Variants in FCRL6 observed in about 807,000 individuals in gnomAD.
FCRL6 encodes Fc receptor like 6, also known as Fc receptor-like protein 6.
FCRL6 carries 50 observed loss-of-function variants against 49.1 expected under a neutral mutation model. The observed-to-expected ratio is 1.02, with a 90% CI of 0.81 to 1.29. FCRL6 has a LOEUF of 1.29. Among genes scored for constraint, FCRL6 ranks in the 50% most tolerant of loss-of-function variants. The pLI is 0.00. For synonymous variants in FCRL6, 213 were observed against 199.6 expected, an observed-to-expected ratio of 1.07 and a Z score of -0.57; for missense variants, 571 against 518.5, an observed-to-expected ratio of 1.10 and a Z score of -0.98.
chr1:159,809,630 C>T lies in FCRL6; in HGVS notation c.833C>T (p.Ala278Val), dbSNP rs781421902. 9 of 1,614,080 alleles carry T rather than the reference C, an allele frequency of 5.6e-6. No homozygotes were observed. The East Asian group carries it at 1.3e-4, about 24-fold the overall frequency. The change falls in exon 5 of 10, where the codon GCT (alanine) becomes GTT (valine). Residue 278 changes from alanine to valine, a missense_variant. Transcript: ENST00000368106. ...GATGCTGGGAACTACTCCTGCGAGG[C>T]TGAGAACAGTGTCTCCAGAGAGAGG... The part of the protein sequence containing the change: ...EQDAGNYSCE[A>V]ENSVSRERSE...
rs1663002651 is a variant in FCRL6 at position 159,810,104 on chromosome 1, C to G, written c.897C>G (p.Val299=). ...PKKLSLKGSQ[V]LFTPASNWLV... ...TCTCCCTGCTCCCAGGTTCTCAAGT[C>G]TTGTTCACTCCCGCCAGCAACTGGC... Residue 299 remains valine (V), a synonymous_variant, in exon 6 of 10, where the codon GTC becomes GTG. Coordinates refer to ENST00000368106, the MANE Select transcript of FCRL6 (RefSeq NM_001004310.3). 6.2e-7 allele frequency: 1 copy of G among 1,612,692 alleles called. No homozygotes were observed. The highest frequency in any genetic ancestry group is 1.7e-5 in the Admixed American group (1 of 59,748).
At chr1:159,807,276 A>C (rs1283297027) in intron 2 of FCRL6, among the ~76,000 whole-genome samples, 1 of 152,208 alleles carries the variant, frequency 6.6e-6, no homozygotes, top group Non-Finnish European at 1.5e-5. Flanking sequence ...GATCCAGGCA[A>C]GAGCAGGATG....
At chr1:159,810,949 C>T (rs750313234) in intron 6 of FCRL6, among the ~76,000 whole-genome samples, 11 of 152,202 alleles carry the variant, frequency 7.2e-5, no homozygotes, top group Non-Finnish European at 1.5e-4. Flanking sequence ...AGTAAATTCT[C>T]ATTCTAATCT....
chr1:159,815,649 G>A lies in FCRL6; in HGVS notation c.1293G>A (p.Glu431=). The A allele has an allele frequency of 6.2e-7, 1 of 1,614,120 alleles. No homozygotes were observed. The highest frequency in any genetic ancestry group is 2.2e-5 in the East Asian group (1 of 44,870). The change falls in exon 10 of 10, where the codon GAG becomes GAA. Residue 431 remains glutamate (E), a synonymous_variant. Coordinates refer to ENST00000368106, the MANE Select transcript of FCRL6 (RefSeq NM_001004310.3). ...TLQEPLSDCE[E]VLC ...AAGAACCCCTTAGCGACTGTGAGGAGGTTCTCTGCTAGTGATGGTGTTCTC... is the reference window on the plus strand; with the variant it reads ...AAGAACCCCTTAGCGACTGTGAGGAAGTTCTCTGCTAGTGATGGTGTTCTC...
chr1:159,803,519 G>A (rs1221598806), intron 1 of FCRL6, among the ~76,000 whole-genome samples: 2 of 152,122 alleles, frequency 1.3e-5, no homozygotes, highest in Non-Finnish European at 2.9e-5. Context: ...TCTATGAATG[G>A]CCATTTGGAC....
intron 5 of FCRL6, 74 bp from the exon 6 acceptor site, chr1:159,810,020 T>G: frequency 6.5e-7 from 1 of 1,530,712 alleles, no homozygotes; most frequent in Non-Finnish European, 8.8e-7. Flanking sequence ...TTCTGCCTGT[T>G]CTGTGCCAGG....
intron 8 of FCRL6, 75 bp from the exon 9 acceptor site, chr1:159,815,353 G>T (rs1273036643): frequency 2.0e-6 from 3 of 1,524,372 alleles, no homozygotes; most frequent in Admixed American, 3.7e-5. Context: ...AAGATAGCCA[G>T]CCAGGAGGGG....
chr1:159,802,525 T>C, intron 1 of FCRL6, 70 bp downstream of exon 1: 1 of 1,377,210 alleles, frequency 7.3e-7, no homozygotes, highest in Non-Finnish European at 1.0e-6. Context: ...AGACACCAAG[T>C]TCCTCATCTT....
At chr1:159,807,526 C>T (rs1662771790) in intron 2 of FCRL6, among the ~76,000 whole-genome samples, 1 of 152,192 alleles carries the variant, frequency 6.6e-6, no homozygotes, top group Non-Finnish European at 1.5e-5. Context: ...GGAATAGAGA[C>T]AGAGAGAACA....
chr1:159,808,143 T>C (rs546662787), intron 2 of FCRL6, 35 bp from the exon 3 acceptor site: 40 of 1,581,574 alleles, frequency 2.5e-5, no homozygotes, highest in Middle Eastern at 1.7e-4. Flanking sequence ...ATGGGACCTG[T>C]AGCTCCAGGG....
chr1:159,809,827 C>G (rs1480423284), intron 5 of FCRL6, 144 bp downstream of exon 5: 1 of 795,610 alleles, frequency 1.3e-6, no homozygotes, highest in African/African-American at 1.7e-5. Flanking sequence ...CCTAATTAGT[C>G]CATCTGTCCA....
At chr1:159,801,861 G>A (rs1662354883), upstream of FCRL6, among the ~76,000 whole-genome samples, 1 of 152,110 alleles carries the variant, frequency 6.6e-6, no homozygotes, top group Admixed American at 6.5e-5. Context: ...ACTCATCGAT[G>A]TCTGATTCCC....
At position 159,809,628 on chromosome 1, in the gene FCRL6, G is replaced by C; in HGVS notation, c.831G>C (p.Glu277Asp). The C allele has an allele frequency of 6.2e-7, 1 of 1,614,204 alleles. No individual in the cohort carries two copies. Among genetic ancestry groups the C allele is most frequent in the Non-Finnish European group, 8.5e-7 (1 of 1,180,028 alleles). ...SEQDAGNYSC[E>D]AENSVSRERS... is the part of the protein sequence containing the mutation. ...AGGATGCTGGGAACTACTCCTGCGA[G>C]GCTGAGAACAGTGTCTCCAGAGAGA... Residue 277 changes from glutamate to aspartate, a missense_variant, in exon 5 of 10, where the codon GAG becomes GAC. Glu to Asp is a conservative substitution (Grantham distance 45). Transcript: ENST00000368106.
Position 159,814,389 on chromosome 1 carries a change from T to C in FCRL6, c.1147+97T>C, listed in dbSNP as rs1403298486. On this transcript the variant is annotated intron_variant, in intron 8 of 9. Transcript: ENST00000368106. ...CCACTGTCATTACCACTTTTATCAT[T>C]ACTGTGACCACCATCACTATCACCA... The C allele has an allele frequency of 3.6e-6, 3 of 839,498 alleles. No individual in the cohort carries two copies. The African/African-American group carries it at 5.0e-5, about 14-fold the overall frequency. The allele number at this position is 839,498 out of a possible 1,614,324, so 52.0% of individuals were successfully genotyped here.
intron 3 of FCRL6, 53 bp downstream of exon 3, chr1:159,808,497 C>A (rs756505701): frequency 1.2e-6 from 2 of 1,606,766 alleles, no homozygotes; most frequent in Non-Finnish European, 8.5e-7. Context: ...TCAAGGGTCC[C>A]GTTTCTAGAG....
At chr1:159,808,528 G>C in intron 3 of FCRL6, 84 bp downstream of exon 3, 1 of 1,538,028 alleles carries the variant, frequency 6.5e-7, no homozygotes, top group Non-Finnish European at 9.0e-7. Flanking sequence ...CTCTGGGCTG[G>C]ACCCCTGTCT....
chr1:159,812,485 C>T (rs1663146781), intron 6 of FCRL6, among the ~76,000 whole-genome samples: 1 of 152,242 alleles, frequency 6.6e-6, no homozygotes, highest in Non-Finnish European at 1.5e-5. Context: ...AAGTAGCACT[C>T]ACCTGCATGT....
Position 159,815,543 on chromosome 1 carries a change from C to A in FCRL6, c.1187C>A (p.Ser396Tyr). The change falls in exon 10 of 10, where the codon TCT becomes TAT. Residue 396 changes from serine to tyrosine, a missense_variant. By Grantham distance (144) the Ser-to-Tyr change is moderately radical. Coordinates refer to ENST00000368106, the MANE Select transcript of FCRL6 (RefSeq NM_001004310.3). ...AEFTVGRKDSSIICAEVRCLQ... is the reference protein window; with the variant it reads ...AEFTVGRKDSYIICAEVRCLQ... ...GAGCCAACTCTTCCACAGGACAGTT[C>A]TATCATCTGTGCGGAGGTGAGATGC... is the stretch of plus-strand genomic sequence containing the variant. The A allele has an allele frequency of 6.2e-7, 1 of 1,614,236 alleles. No homozygotes were observed. Among genetic ancestry groups the A allele is most frequent in the Non-Finnish European group, 8.5e-7 (1 of 1,180,040 alleles).
intron 6 of FCRL6, among the ~76,000 whole-genome samples, chr1:159,813,288 C>T (rs1663190743): frequency 1.3e-5 from 2 of 152,262 alleles, no homozygotes; most frequent in South Asian, 4.1e-4. Context: ...TTTGTGATTC[C>T]CATGGAGCCA....
Sources: allele counts gnomAD v4.1 joint callset (sites outside exome capture counted in the v4.1 genomes callset), GRCh38; gene constraint gnomAD v4.1.1; transcripts MANE v1.5; gene names NCBI Gene and HGNC (gene_info 2026-07-23, HGNC 2026-07-21).